Variants in FAM178B observed in about 807,000 individuals in gnomAD.
The protein encoded by FAM178B is protein FAM178B.
In FAM178B, 82 loss-of-function variants were observed where a neutral mutation model predicts 91.7. The observed-to-expected ratio is 0.89, with a 90% CI of 0.75 to 1.07. FAM178B has a LOEUF of 1.07. Among genes scored for constraint, FAM178B ranks in the 50% least tolerant of loss-of-function variants. FAM178B has a pLI of 0.00. For synonymous variants in FAM178B, 368 were observed against 359.4 expected (o/e 1.02, Z -0.27); for missense variants, 769 against 846.7 (o/e 0.91, Z 1.14).
In FAM178B at chr2:96,949,937, C is replaced by A. The variant is rs563051929; in HGVS notation, c.993+1442G>T. On this transcript the variant is annotated intron_variant, in intron 7 of 16. Transcript: ENST00000490605. ...GCTAAGAAACCTGTCTGTAGCGACA[C>A]AGGAGTAGGTGGCAGGGCCAGAACT... 125 of 972,850 alleles carry A rather than the reference C, an allele frequency of 1.3e-4. No homozygotes were observed. In the African/African-American group the frequency reaches 2.0e-3, roughly 16 times the overall value. 60.3% of individuals were successfully genotyped at this position (972,850 alleles called of 1,614,324 possible).
chr2:96,908,143 G>C (rs550248056), intron 12 of FAM178B, among the ~76,000 whole-genome samples: 1 of 152,196 alleles, frequency 6.6e-6, no homozygotes, highest in African/African-American at 2.4e-5. Context: ...TCCCTCCCGG[G>C]GGTCTGCAAG....
intron 7 of FAM178B, among the ~76,000 whole-genome samples, chr2:96,950,871 G>A (rs896506453): frequency 2.0e-5 from 3 of 152,120 alleles, no homozygotes; most frequent in Admixed American, 6.5e-5. Flanking sequence ...AAGCACCCTC[G>A]GCTCCAAATT....
intron 7 of FAM178B, among the ~76,000 whole-genome samples, chr2:96,950,937 C>T (rs1312385282): frequency 6.6e-6 from 1 of 152,162 alleles, no homozygotes; most frequent in Non-Finnish European, 1.5e-5. Flanking sequence ...AACGGCCCTC[C>T]CGCTGCGTAT....
intron 4 of FAM178B, among the ~76,000 whole-genome samples, chr2:96,968,122 C>T (rs2082170469): frequency 6.6e-6 from 1 of 151,710 alleles, no homozygotes; most frequent in Non-Finnish European, 1.5e-5. Context: ...TAGGGCTAGC[C>T]CTTCTGCTCC....
chr2:96,947,530 C>A (rs1212464696), intron 8 of FAM178B, among the ~76,000 whole-genome samples: 12 of 152,208 alleles, frequency 7.9e-5, no homozygotes, highest in Admixed American at 1.3e-4. Flanking sequence ...CTGTCTCAGT[C>A]TGAACCCACT....
At chr2:96,957,939 T>C (rs1371991809) in intron 6 of FAM178B, among the ~76,000 whole-genome samples, 1 of 152,176 alleles carries the variant, frequency 6.6e-6, no homozygotes, top group Admixed American at 6.5e-5. Context: ...AAAAAACTTT[T>C]ATGTTCAAAA....
At position 96,922,999 on chromosome 2, in the gene FAM178B, C is replaced by T. The variant is rs192798986; in HGVS notation, c.1287+491G>A. Among the ~76,000 whole-genome samples the T allele has an allele frequency of 2.1e-3, 302 of 147,264 alleles. 11 individuals carry two copies. In the East Asian group the frequency reaches 0.043, roughly 21 times the overall value. ...TTTTTGTTTTTTTGAGATGGAGTCT[C>T]GCTCTGTCGCCCAGGCTGGAGTGCA... is the stretch of plus-strand genomic sequence containing the variant. On this transcript the variant is annotated intron_variant, in intron 10 of 16. Coordinates refer to ENST00000490605, the MANE Select transcript of FAM178B (RefSeq NM_001122646.3).
rs1404551247 is a variant in FAM178B, at chr2:96,921,258, T to G, written c.1469A>C (p.Gln490Pro). 2.6e-6 allele frequency: 4 copies of G among 1,551,450 alleles called. No individual in the cohort carries two copies. Among genetic ancestry groups the G allele is most frequent in the Non-Finnish European group, 3.5e-6 (4 of 1,146,876 alleles). Residue 490 changes from glutamine to proline, a missense_variant, in exon 12 of 17, where the codon CAG becomes CCG. Transcript: ENST00000490605. ...ENIREWPGKL[Q>P]ELCCTLSWVS... Reference sequence around the variant, plus strand: ...CCAGCTCAGGGTGCAGCACAGTTCCTGGAGCTGCAGGAGAACGGCACCCCA... The same window carrying G: ...CCAGCTCAGGGTGCAGCACAGTTCCGGGAGCTGCAGGAGAACGGCACCCCA...
At chr2:96,949,933 G>A (rs185668802) in intron 7 of FAM178B, 10 of 965,112 alleles carry the variant, frequency 1.0e-5, no homozygotes, top group African/African-American at 8.8e-5. Flanking sequence ...TGTCTGTAGC[G>A]ACACAGGAGT....
At chr2:96,906,023 A>G (rs2081048829) in intron 12 of FAM178B, among the ~76,000 whole-genome samples, 1 of 138,824 alleles carries the variant, frequency 7.2e-6, no homozygotes, top group Non-Finnish European at 1.5e-5. Context: ...GGCATGTGCT[A>G]CCACGCCCAG....
chr2:96,972,236 A>G lies in FAM178B; in HGVS notation c.229T>C (p.Cys77Arg), dbSNP rs1252354563. The change falls in exon 3 of 17, where the codon TGC becomes CGC. Residue 77 changes from cysteine to arginine, a missense_variant. Transcript: ENST00000490605. Reference sequence around the variant, plus strand: ...GGGCTGCAGGGCCGCCGGGCAGGGCAGCGGGGCCCCTGGTCCAGGGGATGG... The same window carrying G: ...GGGCTGCAGGGCCGCCGGGCAGGGCGGCGGGGCCCCTGGTCCAGGGGATGG... The part of the protein sequence containing the change: ...SDHPLDQGPR[C>R]PARRPCSPAS... 3 of 1,527,634 alleles carry G rather than the reference A, an allele frequency of 2.0e-6. No homozygotes were observed. Among genetic ancestry groups the G allele is most frequent in the Non-Finnish European group, 8.8e-7 (1 of 1,137,154 alleles). 94.6% of individuals were successfully genotyped at this position (1,527,634 alleles called of 1,614,324 possible).
At chr2:96,918,101 A>G (rs777004910) in intron 12 of FAM178B, among the ~76,000 whole-genome samples, 2 of 151,842 alleles carry the variant, frequency 1.3e-5, no homozygotes, top group Admixed American at 1.3e-4. Flanking sequence ...ATCCCAATCA[A>G]TTCTCTGCAT....
chr2:96,976,511 C>T (rs2082290306), intron 1 of FAM178B, among the ~76,000 whole-genome samples: 1 of 151,964 alleles, frequency 6.6e-6, no homozygotes, highest in African/African-American at 2.4e-5. Flanking sequence ...CAAAATCTTG[C>T]ACACAAATAT....
intron 13 of FAM178B, among the ~76,000 whole-genome samples, chr2:96,898,703 T>C (rs1028828386): frequency 2.0e-5 from 3 of 152,176 alleles, no homozygotes; most frequent in African/African-American, 7.2e-5. Flanking sequence ...CCCTGGAAAG[T>C]TCCCCTATCT....
chr2:96,978,691 C>T (rs955170621), intron 1 of FAM178B, among the ~76,000 whole-genome samples: 4 of 149,924 alleles, frequency 2.7e-5, no homozygotes, highest in Non-Finnish European at 5.9e-5. Context: ...GCGGCGTCAT[C>T]TTGGCTCACT....
chr2:96,960,456 G>A lies in FAM178B; in HGVS notation c.735-16C>T. On this transcript the variant is annotated splice_polypyrimidine_tract_variant and intron_variant, in intron 5 of 16. Transcript: ENST00000490605. ...CACCAGCATCCTGGCAAGGCAAGGG[G>A]CAGGAGGGCCGGGCATCAGCAGATG... 5 of 1,527,766 alleles carry A rather than the reference G, an allele frequency of 3.3e-6. No homozygotes were observed. Among genetic ancestry groups the A allele is most frequent in the Non-Finnish European group, 4.4e-6 (5 of 1,132,142 alleles). 94.6% of individuals were successfully genotyped at this position (1,527,766 alleles called of 1,614,324 possible).
intron 8 of FAM178B, among the ~76,000 whole-genome samples, chr2:96,931,623 G>A (rs991394028): frequency 2.7e-4 from 41 of 152,210 alleles, no homozygotes; most frequent in African/African-American, 9.9e-4. Flanking sequence ...GGGGACTTCC[G>A]CAAGGACCAC....
At chr2:96,923,238 G>A (rs2081374773) in intron 10 of FAM178B, among the ~76,000 whole-genome samples, 2 of 152,126 alleles carry the variant, frequency 1.3e-5, no homozygotes, top group Admixed American at 6.5e-5. Flanking sequence ...CTCCCAAAGC[G>A]CTGGGATTAC....
intron 1 of FAM178B, among the ~76,000 whole-genome samples, chr2:96,974,837 C>G (rs945012130): frequency 6.6e-6 from 1 of 152,030 alleles, no homozygotes; most frequent in South Asian, 2.1e-4. Flanking sequence ...CACCTGTAAT[C>G]CCAGCACTTT....
Sources: allele counts gnomAD v4.1 joint callset (sites outside exome capture counted in the v4.1 genomes callset), GRCh38; gene constraint gnomAD v4.1.1; transcripts MANE v1.5; gene names NCBI Gene and HGNC (gene_info 2026-07-23, HGNC 2026-07-21).